CCSER1: variants seen among roughly 807,000 people sequenced by gnomAD.
The protein encoded by CCSER1 is coiled-coil serine rich protein 1.
In CCSER1, 41 loss-of-function variants were observed where a neutral mutation model predicts 82.0. The ratio of observed to expected loss-of-function variants is 0.50; its 90% confidence interval spans 0.39 to 0.65. The LOEUF is 0.65. CCSER1 is among the 30% of genes least tolerant of loss of function. The probability of loss-of-function intolerance (pLI) is 0.00; values close to 1 mark genes in which losing one functional copy is unlikely to be tolerated. For synonymous variants in CCSER1, 414 were observed against 383.9 expected (o/e 1.08, Z -0.92); for missense variants, 1,119 against 1,064.2 (o/e 1.05, Z -0.72).
intron 1 of CCSER1, among the ~76,000 whole-genome samples, chr4:90,186,026 C>T (rs967029427): frequency 6.6e-6 from 1 of 152,060 alleles, no homozygotes; most frequent in South Asian, 2.1e-4. Context: ...ACAAAATTGC[C>T]TACTTTCAGG....
chr4:91,432,312 A>G (rs1286308871), intron 10 of CCSER1, among the ~76,000 whole-genome samples: 1 of 152,230 alleles, frequency 6.6e-6, no homozygotes, highest in Non-Finnish European at 1.5e-5. Context: ...TAATTTAATT[A>G]AACACCTATT....
intron 1 of CCSER1, among the ~76,000 whole-genome samples, chr4:90,196,289 G>C (rs1182762109): frequency 6.6e-6 from 1 of 152,034 alleles, no homozygotes; most frequent in South Asian, 2.1e-4. Flanking sequence ...TGTTAAGCAA[G>C]AGTTGGTTGG....
intron 10 of CCSER1, among the ~76,000 whole-genome samples, chr4:91,460,861 G>C (rs1297438830): frequency 6.6e-6 from 1 of 152,092 alleles, no homozygotes; most frequent in Non-Finnish European, 1.5e-5. Context: ...CAAAAGGAGG[G>C]AGAAAAATTT....
intron 1 of CCSER1, among the ~76,000 whole-genome samples, chr4:90,133,425 G>A (rs995343254): frequency 1.3e-5 from 2 of 152,148 alleles, no homozygotes; most frequent in African/African-American, 4.8e-5. Flanking sequence ...TTTCTGTTTA[G>A]TTTTGTTGAC....
chr4:90,252,476 T>C (rs1222309840), intron 1 of CCSER1, among the ~76,000 whole-genome samples: 12 of 151,788 alleles, frequency 7.9e-5, no homozygotes, highest in Admixed American at 7.9e-4. Context: ...TTTGTAAATT[T>C]TCCAATTTTT....
chr4:90,228,701 G>C (rs1743774580), intron 1 of CCSER1, among the ~76,000 whole-genome samples: 1 of 152,150 alleles, frequency 6.6e-6, no homozygotes. Flanking sequence ...CAAACCAAAG[G>C]CAAAGAAGTT....
rs147356851 is a variant in CCSER1 at position 91,412,587 on chromosome 4, A to C, written c.2218-185985A>C. ...GACCAGACAAATCCATAATCACTGG[A>C]GTCTCCAGTAACAGGCCCACCAACC... On this transcript the variant is annotated intron_variant, in intron 10 of 10. Transcript: ENST00000509176. 2.2e-3 allele frequency among the ~76,000 whole-genome samples: 340 copies of C among 152,206 alleles called. 6 individuals are homozygous for C. Among genetic ancestry groups the C allele is most frequent in the Non-Finnish European group, 2.9e-3 (196 of 68,004 alleles).
At chr4:91,442,396 T>G (rs1428137389) in intron 10 of CCSER1, among the ~76,000 whole-genome samples, 1 of 150,934 alleles carries the variant, frequency 6.6e-6, no homozygotes, top group African/African-American at 2.4e-5. Context: ...TAATAAATGG[T>G]GCTGGGAAAA....
chr4:90,913,421 CT>C lies in CCSER1; in HGVS notation c.2095-9946del, dbSNP rs552523979. Among the ~76,000 whole-genome samples, 679 of 152,222 alleles carry C rather than the reference CT, an allele frequency of 4.5e-3. 7 individuals carry two copies. Among genetic ancestry groups the C allele is most frequent in the African/African-American group, 0.016 (646 of 41,520 alleles). On this transcript the variant is annotated intron_variant, in intron 8 of 10. Transcript: ENST00000509176. Reference sequence around the variant, plus strand: ...TCATAAGTGGAGGAGAAATAAAATCCTTTACAGACAAGCAAATGCTGAGAGA... The same window carrying C: ...TCATAAGTGGAGGAGAAATAAAATCCTTACAGACAAGCAAATGCTGAGAGA...
At chr4:91,310,914 A>G (rs975830906) in intron 10 of CCSER1, among the ~76,000 whole-genome samples, 3 of 151,832 alleles carry the variant, frequency 2.0e-5, no homozygotes, top group African/African-American at 7.3e-5. Context: ...GTCCATGACA[A>G]TTCTTCCAAT....
chr4:90,779,249 T>G (rs2149601499), intron 7 of CCSER1, among the ~76,000 whole-genome samples: 1 of 152,318 alleles, frequency 6.6e-6, no homozygotes, highest in East Asian at 1.9e-4. Flanking sequence ...TCTTTGAAAT[T>G]TCTGTGTTCT....
At chr4:91,181,198 C>T (rs969791247) in intron 10 of CCSER1, among the ~76,000 whole-genome samples, 4 of 152,212 alleles carry the variant, frequency 2.6e-5, no homozygotes, top group Non-Finnish European at 4.4e-5. Context: ...CCCACCATGT[C>T]CCCCTTCTTT....
intron 10 of CCSER1, among the ~76,000 whole-genome samples, chr4:91,178,671 C>G (rs1050270520): frequency 2.0e-5 from 3 of 152,134 alleles, no homozygotes; most frequent in East Asian, 1.9e-4. Context: ...TGATCTTCCT[C>G]CATCCCTTTA....
intron 10 of CCSER1, among the ~76,000 whole-genome samples, chr4:91,191,509 C>T (rs1734993081): frequency 6.6e-6 from 1 of 152,102 alleles, no homozygotes; most frequent in African/African-American, 2.4e-5. Context: ...TAGAGCATCT[C>T]CCATTTTCAC....
intron 10 of CCSER1, among the ~76,000 whole-genome samples, chr4:91,164,621 G>A (rs1731830378): frequency 6.6e-6 from 1 of 152,184 alleles, no homozygotes; most frequent in South Asian, 2.1e-4. Context: ...TGTAGGCTTT[G>A]TTCATTTCTT....
rs70963094 is a variant in CCSER1, at chr4:90,898,269, C to CTTTTTTTTTTTTTTTTTTTTTTTTTTT, written c.2095-25097_2095-25071dup. On this transcript the variant is annotated intron_variant, in intron 8 of 10. Coordinates refer to ENST00000509176, the MANE Select transcript of CCSER1 (RefSeq NM_001145065.2). ...CCTTACTTTTAAATCTTTAATCCATCTTTTTTTTTTTTTTTTTTTTTTTTT... is the reference window on the plus strand; with the variant it reads ...CCTTACTTTTAAATCTTTAATCCATCTTTTTTTTTTTTTTTTTTTTTTTTTTTTTTTTTTTTTTTTTTTTTTTTTTTT... Among the ~76,000 whole-genome samples, 5 of 52,542 alleles carry CTTTTTTTTTTTTTTTTTTTTTTTTTTT rather than the reference C, an allele frequency of 9.5e-5. 1 individual carries two copies. The highest frequency in any genetic ancestry group is 2.0e-4 in the Non-Finnish European group (5 of 25,156). The allele number at this position is 52,542 out of a possible 152,430, so 34.5% of individuals were successfully genotyped here.
intron 10 of CCSER1, among the ~76,000 whole-genome samples, chr4:91,162,394 T>C (rs889434922): frequency 6.6e-6 from 1 of 152,338 alleles, no homozygotes; most frequent in East Asian, 1.9e-4. Flanking sequence ...AAATTCTCTT[T>C]TTTGGTTGTG....
intron 10 of CCSER1, among the ~76,000 whole-genome samples, chr4:91,435,921 A>G (rs760425945): frequency 3.7e-4 from 57 of 152,250 alleles, no homozygotes; most frequent in Non-Finnish European, 5.9e-4. Flanking sequence ...GGAACGCAAC[A>G]TCATAAGTAA....
intron 1 of CCSER1, among the ~76,000 whole-genome samples, chr4:90,241,814 A>G (rs1436747667): frequency 6.6e-6 from 1 of 152,224 alleles, no homozygotes; most frequent in Admixed American, 6.5e-5. Context: ...TTTAATTGTA[A>G]TATGGAAAAT....
Sources: allele counts gnomAD v4.1 joint callset (sites outside exome capture counted in the v4.1 genomes callset), GRCh38; gene constraint gnomAD v4.1.1; transcripts MANE v1.5; gene names NCBI Gene and HGNC (gene_info 2026-07-23, HGNC 2026-07-21).